The following MICAL3 variants were observed in gnomAD, a reference collection of about 807,000 sequenced individuals.
MICAL3 encodes microtubule associated monooxygenase, calponin and LIM domain containing 3.
Under a neutral mutation model 207.4 loss-of-function variants are expected in MICAL3, and 62 were observed. The observed-to-expected ratio is 0.30, with a 90% CI of 0.24 to 0.37. The LOEUF (loss-of-function observed/expected upper bound fraction) is 0.37, where lower values mean the gene tolerates loss of function less well. Among genes scored for constraint, MICAL3 ranks in the 10% least tolerant of loss-of-function variants. MICAL3 has a pLI of 1.00. For synonymous variants in MICAL3, 1,077 were observed against 1,069.3 expected, an observed-to-expected ratio of 1.01 and a Z score of -0.14; for missense variants, 2,368 against 2,635.6, an observed-to-expected ratio of 0.90 and a Z score of 2.22.
chr22:17,935,612 G>C (rs1202517344), intron 1 of MICAL3, among the ~76,000 whole-genome samples: 1 of 152,042 alleles, frequency 6.6e-6, no homozygotes, highest in East Asian at 1.9e-4. Context: ...TTCTGCACAG[G>C]AAAAGAAACT....
intron 29 of MICAL3, chr22:17,803,779 GT>G: frequency 1.0e-6 from 1 of 978,844 alleles, no homozygotes. Flanking sequence ...CGTCAGCGGG[GT>G]TAGTGTCAGC....
At chr22:18,015,907 A>G (rs1368647450) in intron 1 of MICAL3, among the ~76,000 whole-genome samples, 1 of 152,158 alleles carries the variant, frequency 6.6e-6, no homozygotes, top group East Asian at 1.9e-4. Flanking sequence ...AACTGTCCCT[A>G]TAATATTAGA....
chr22:17,807,140 G>A (rs1440484732), intron 29 of MICAL3, among the ~76,000 whole-genome samples: 1 of 152,258 alleles, frequency 6.6e-6, no homozygotes, highest in African/African-American at 2.4e-5. Context: ...TTCCATCTTG[G>A]CAGAAGTGAT....
At chr22:17,836,250 G>A (rs1383144157) in intron 20 of MICAL3, among the ~76,000 whole-genome samples, 1 of 152,256 alleles carries the variant, frequency 6.6e-6, no homozygotes, top group Non-Finnish European at 1.5e-5. Context: ...GAGGATGACA[G>A]TGATTGACGG....
Position 17,817,896 on chromosome 22 carries a change from C to T in MICAL3, c.4765G>A (p.Ala1589Thr). ...ATGCGCTCCTCGGCCAACTCCTTGGCTTCCGCGGACACCAAGGGCAGCCCC... is the reference window on the plus strand; with the variant it reads ...ATGCGCTCCTCGGCCAACTCCTTGGTTTCCGCGGACACCAAGGGCAGCCCC... ...KRGLPLVSAE[A>T]KELAEERMRA... is the part of the protein sequence containing the mutation. Residue 1589 changes from alanine to threonine, a missense_variant, in exon 26 of 32, where the codon GCC (alanine) becomes ACC (threonine). Around this residue, in one of 4 missense-constraint regions of MICAL3, gnomAD observed 1,770 missense variants for 1,863.2 expected, o/e 0.95. Coordinates refer to ENST00000441493, the MANE Select transcript of MICAL3 (RefSeq NM_015241.3). The T allele has an allele frequency of 6.2e-7, 1 of 1,612,456 alleles. No individual in the cohort carries two copies. Among genetic ancestry groups the T allele is most frequent in the South Asian group, 1.1e-5 (1 of 91,086 alleles).
intron 12 of MICAL3, 98 bp from the exon 13 acceptor site, chr22:17,889,328 T>C: frequency 3.4e-6 from 3 of 890,272 alleles, no homozygotes; most frequent in Non-Finnish European, 5.2e-6. Context: ...TGTTTTCAGC[T>C]AAAATCCAGG....
At chr22:17,990,782 T>C (rs1376116616) in intron 1 of MICAL3, among the ~76,000 whole-genome samples, 3 of 152,296 alleles carry the variant, frequency 2.0e-5, no homozygotes, top group Admixed American at 6.5e-5. Flanking sequence ...GTCATGAGGA[T>C]TGAAGGCGAT....
At chr22:17,872,979 G>A (rs1370024316) in intron 16 of MICAL3, 8 of 687,118 alleles carry the variant, frequency 1.2e-5, no homozygotes, top group African/African-American at 3.6e-5. Flanking sequence ...ACAAGGTGCA[G>A]CAGCAAACCA....
chr22:17,968,184 A>G (rs999670133), intron 1 of MICAL3, among the ~76,000 whole-genome samples: 2 of 152,256 alleles, frequency 1.3e-5, no homozygotes, highest in African/African-American at 4.8e-5. Flanking sequence ...AGTCCAGCAG[A>G]GTGAAGAGGA....
chr22:17,983,718 C>T (rs1936031972), intron 1 of MICAL3: 1 of 152,714 alleles, frequency 6.5e-6, no homozygotes, highest in Admixed American at 6.5e-5. Flanking sequence ...ACCACCCCAC[C>T]CTCCAGTGGA....
chr22:17,892,383 A>G (rs570485627), intron 11 of MICAL3, among the ~76,000 whole-genome samples: 2 of 152,226 alleles, frequency 1.3e-5, no homozygotes, highest in Non-Finnish European at 2.9e-5. Flanking sequence ...ATTCAAAAGA[A>G]TCTATGAACT....
At chr22:17,849,686 GTATT>G (rs1925070979) in intron 19 of MICAL3, among the ~76,000 whole-genome samples, 2 of 56,198 alleles carry the variant, frequency 3.6e-5, no homozygotes, top group East Asian at 7.4e-4. Flanking sequence ...GTGTGTGTGT[GTATT>G]TTTTTTTTTT....
intron 27 of MICAL3, 27 bp from the exon 28 acceptor site, chr22:17,810,840 A>T (rs2062040312): frequency 3.2e-6 from 5 of 1,583,192 alleles, no homozygotes; most frequent in Non-Finnish European, 4.3e-6. Context: ...AAACTTCCTC[A>T]GTCAGGTGCA....
At chr22:17,946,805 G>A (rs1461470981) in intron 1 of MICAL3, among the ~76,000 whole-genome samples, 1 of 152,236 alleles carries the variant, frequency 6.6e-6, no homozygotes, top group Non-Finnish European at 1.5e-5. Context: ...ACCTGAGGGA[G>A]TGGTGGGCAA....
intron 19 of MICAL3, 142 bp from the exon 20 acceptor site, chr22:17,842,159 G>T: frequency 1.4e-6 from 1 of 737,856 alleles, no homozygotes; most frequent in Non-Finnish European, 2.2e-6. Context: ...GTTGCCAGAG[G>T]CCAGAGAAGG....
chr22:17,850,414 T>TTTTTTG (rs1925194302), intron 19 of MICAL3, among the ~76,000 whole-genome samples: 1 of 131,028 alleles, frequency 7.6e-6, no homozygotes, highest in African/African-American at 3.1e-5. Flanking sequence ...TTTTTTTTTT[T>TTTTTTG]TTTTTTTTTT....
intron 29 of MICAL3, among the ~76,000 whole-genome samples, chr22:17,806,418 G>C (rs2061990068): frequency 6.7e-6 from 1 of 148,442 alleles, no homozygotes; most frequent in Non-Finnish European, 1.5e-5. Context: ...TGAGGAATAG[G>C]AACTGCTGTT....
At chr22:17,944,629 C>T (rs984160442) in intron 1 of MICAL3, among the ~76,000 whole-genome samples, 3 of 152,172 alleles carry the variant, frequency 2.0e-5, no homozygotes, top group African/African-American at 7.2e-5. Context: ...AGTGAGCACA[C>T]GCACCCACTG....
chr22:17,931,042 G>A (rs141101973), intron 1 of MICAL3, among the ~76,000 whole-genome samples: 1 of 152,340 alleles, frequency 6.6e-6, no homozygotes, highest in African/African-American at 2.4e-5. Context: ...ATCCCTGTGA[G>A]CTCGGGCCTG....
Sources: gnomAD v4.1 joint callset for allele counts (sites outside exome capture counted in the v4.1 genomes callset) on GRCh38, gnomAD v4.1.1 for gene constraint, gnomAD v4.1.1 regional missense constraint, MANE v1.5 for transcripts, NCBI Gene and HGNC (gene_info 2026-07-23, HGNC 2026-07-21) for gene names.